Variants in ZFYVE16 observed in about 807,000 individuals in gnomAD.
The protein encoded by ZFYVE16 is zinc finger FYVE domain-containing protein 16.
Under a neutral mutation model 138.1 loss-of-function variants are expected in ZFYVE16, and 89 were observed. The ratio of observed to expected loss-of-function variants is 0.64; its 90% CI spans 0.54 to 0.77. The LOEUF is 0.77. ZFYVE16 is among the 30% of genes least tolerant of loss of function. ZFYVE16 has a pLI of 0.00. For missense variants in ZFYVE16, 1,793 were observed against 1,786.7 expected, an observed-to-expected ratio of 1.00 and a Z score of -0.06; for synonymous variants, 596 against 618.3, an observed-to-expected ratio of 0.96 and a Z score of 0.53.
chr5:80,446,534 C>T (rs1363775), intron 7 of ZFYVE16, among the ~76,000 whole-genome samples: 118,120 of 151,942 alleles, frequency 0.78, 49,042 homozygotes, highest in East Asian at 0.92. Flanking sequence ...TCTGGTTCTA[C>T]ATTCTGTGTG....
At position 80,434,220 on chromosome 5, in the gene ZFYVE16, T is replaced by C; in HGVS notation, c.70+3T>C. 1 of 1,612,790 alleles carries C rather than the reference T, an allele frequency of 6.2e-7. No individual in the cohort carries two copies. The highest frequency in any genetic ancestry group is 8.5e-7 in the Non-Finnish European group (1 of 1,179,188). On this transcript the variant is annotated splice_donor_region_variant and intron_variant, in intron 3 of 18. Coordinates refer to ENST00000505560, the MANE Select transcript of ZFYVE16 (RefSeq NM_001284236.3). ...TGATGATTTTGAACAGAACCCAGGT[T>C]TGTTGATTTTCCATTTTTGCCGCTA...
At chr5:80,425,407 C>T (rs139740896) in intron 1 of ZFYVE16, among the ~76,000 whole-genome samples, 1 of 152,056 alleles carries the variant, frequency 6.6e-6, no homozygotes, top group African/African-American at 2.4e-5. Flanking sequence ...CTTGTAAAAC[C>T]CTCTTATTTG....
intron 1 of ZFYVE16, among the ~76,000 whole-genome samples, chr5:80,426,261 T>A (rs1250838845): frequency 1.8e-5 from 1 of 55,292 alleles, no homozygotes; most frequent in African/African-American, 4.7e-5. Flanking sequence ...TGTGTGTGTG[T>A]GTGTGTGTGT....
At chr5:80,408,906 T>A (rs1745030140) in intron 1 of ZFYVE16, among the ~76,000 whole-genome samples, 1 of 152,220 alleles carries the variant, frequency 6.6e-6, no homozygotes, top group Non-Finnish European at 1.5e-5. Context: ...TTTATTCACT[T>A]GAGCTTGTCG....
Position 80,451,527 on chromosome 5 carries a change from G to A in ZFYVE16, c.3425G>A (p.Ser1142Asn). The A allele has an allele frequency of 4.3e-6, 7 of 1,613,514 alleles. No individual in the cohort carries two copies. Among genetic ancestry groups the A allele is most frequent in the Non-Finnish European group, 5.9e-6 (7 of 1,179,786 alleles). Residue 1142 changes from serine (S) to asparagine (N), a missense_variant, in exon 11 of 19, where the codon AGT becomes AAT. Ser to Asn is a conservative substitution (Grantham distance 46, BLOSUM62 1). Around this residue, in one of 2 missense-constraint regions of ZFYVE16, gnomAD observed 498 missense variants for 582.4 expected, o/e 0.86. Transcript: ENST00000505560. The stretch of plus-strand genomic sequence containing the variant: ...TTGGACAATATTACCTTTACTGAGA[G>A]TTTTCTCAGTAGCAAGGATCACGGA... ...ENLDNITFTESFLSSKDHGGF... is the reference protein window; with the variant it reads ...ENLDNITFTENFLSSKDHGGF...
At position 80,438,622 on chromosome 5, in the gene ZFYVE16, G is replaced by A. The variant is rs1274751685; in HGVS notation, c.1937G>A (p.Gly646Glu). 1.9e-6 allele frequency: 3 copies of A among 1,613,902 alleles called. No homozygotes were observed. The highest frequency in any genetic ancestry group is 1.3e-5 in the African/African-American group (1 of 74,886). The change falls in exon 4 of 19, where the codon GGG becomes GAG. Residue 646 changes from glycine to glutamate, a missense_variant. Transcript: ENST00000505560. The part of the protein sequence containing the change: ...VSDINSQSVG[G>E]ARPKQLFSLP... The stretch of plus-strand genomic sequence containing the variant: ...GATATTAACAGTCAATCTGTTGGAG[G>A]GGCCAGACCTAAGCAATTGTTTAGC...
rs1239139971 is a variant in ZFYVE16 at position 80,455,359 on chromosome 5, C to T, written c.3608-333C>T. On this transcript the variant is annotated intron_variant, in intron 11 of 18. Transcript: ENST00000505560. Reference sequence around the variant, plus strand: ...GATCAGCCTGGTCAACATGGTGAAACCCTGTCTCTACTAAAAATACAAAAA... The same window carrying T: ...GATCAGCCTGGTCAACATGGTGAAATCCTGTCTCTACTAAAAATACAAAAA... The T allele has an allele frequency of 1.9e-5, 5 of 257,968 alleles. No individual in the cohort carries two copies. In the South Asian group the frequency reaches 1.9e-4, roughly 10 times the overall value. 16.0% of individuals were successfully genotyped at this position (257,968 alleles called of 1,614,324 possible).
At chr5:80,450,359 C>CA in intron 9 of ZFYVE16, 72 bp from the exon 10 acceptor site, 1 of 1,464,470 alleles carries the variant, frequency 6.8e-7, no homozygotes, top group Non-Finnish European at 9.4e-7. Flanking sequence ...ATGTTAAATG[C>CA]AAAAACAATT....
intron 2 of ZFYVE16, among the ~76,000 whole-genome samples, chr5:80,428,797 T>C (rs1748535894): frequency 6.6e-6 from 1 of 152,142 alleles, no homozygotes. Context: ...GCATGAGAAC[T>C]ACATGACAAA....
chr5:80,437,161 A>G lies in ZFYVE16; in HGVS notation c.476A>G (p.Asp159Gly). 1 of 1,614,058 alleles carries G rather than the reference A, an allele frequency of 6.2e-7. No homozygotes were observed. Among genetic ancestry groups the G allele is most frequent in the South Asian group, 1.1e-5 (1 of 91,082 alleles). The part of the protein sequence containing the change: ...LLPDDFKSNA[D>G]SLIGLDLSSV... ...CCAGATGATTTTAAGTCTAATGCAG[A>G]TTCCTTGATTGGATTGGATTTATCT... The change falls in exon 4 of 19, where the codon GAT becomes GGT. Residue 159 changes from aspartate to glycine, a missense_variant. Physicochemically the swap from Asp to Gly is moderately conservative, Grantham distance 94. Transcript: ENST00000505560.
chr5:80,449,721 A>G lies in ZFYVE16; in HGVS notation c.3226+8A>G, dbSNP rs1200978725. 1.3e-6 allele frequency: 2 copies of G among 1,585,626 alleles called. No individual in the cohort carries two copies. Among genetic ancestry groups the G allele is most frequent in the Non-Finnish European group, 1.7e-6 (2 of 1,168,904 alleles). ...ATGTCAAATTCATATTTTGTAAGTA[A>G]TAATTTATCCTTATTTGCTTAATTG... On this transcript the variant is annotated splice_region_variant and intron_variant, in intron 9 of 18. Coordinates refer to ENST00000505560, the MANE Select transcript of ZFYVE16 (RefSeq NM_001284236.3).
rs1238253311 is a variant in ZFYVE16 at position 80,472,941 on chromosome 5, C to G, written c.4187+18C>G. 1 of 1,562,276 alleles carries G rather than the reference C, an allele frequency of 6.4e-7. No homozygotes were observed. The highest frequency in any genetic ancestry group is 2.3e-5 in the East Asian group (1 of 44,220). ...AACAAAGGGTAGGAATTTTTTTATTCTAAAATATAATTGATTTGAAGGAAA... is the reference window on the plus strand; with the variant it reads ...AACAAAGGGTAGGAATTTTTTTATTGTAAAATATAATTGATTTGAAGGAAA... On this transcript the variant is annotated intron_variant, in intron 16 of 18. Coordinates refer to ENST00000505560, the MANE Select transcript of ZFYVE16 (RefSeq NM_001284236.3).
Position 80,424,779 on chromosome 5 carries a change from T to G in ZFYVE16, c.-93-2713T>G, listed in dbSNP as rs1747751715. On this transcript the variant is annotated intron_variant, in intron 1 of 18. Coordinates refer to ENST00000505560, the MANE Select transcript of ZFYVE16 (RefSeq NM_001284236.3). ...GCCTGGCCTCTGAATTCCTTTTGTTTGTTTGGTATCTGTTTATTTTGTGCA... is the reference window on the plus strand; with the variant it reads ...GCCTGGCCTCTGAATTCCTTTTGTTGGTTTGGTATCTGTTTATTTTGTGCA... Among the ~76,000 whole-genome samples, 4 of 152,186 alleles carry G rather than the reference T, an allele frequency of 2.6e-5. 1 individual carries two copies. In the South Asian group the frequency reaches 8.3e-4, roughly 32 times the overall value.
At chr5:80,470,099 G>GTGTGTGTGTGTGTGTATATA (rs1327173079) in intron 15 of ZFYVE16, among the ~76,000 whole-genome samples, 5 of 121,186 alleles carry the variant, frequency 4.1e-5, no homozygotes, top group African/African-American at 1.7e-4. Context: ...GTGTGTGTGT[G>GTGTGTGTGTGTGTGTATATA]TATTTTTTTT....
intron 14 of ZFYVE16, 109 bp downstream of exon 14, chr5:80,457,201 TAAAAC>T (rs1256660758): frequency 2.8e-6 from 4 of 1,427,106 alleles, no homozygotes; most frequent in African/African-American, 1.5e-5. Context: ...TTGTTGGTGA[TAAAAC>T]AATATGTTTT....
At position 80,448,256 on chromosome 5, in the gene ZFYVE16, A is replaced by G; in HGVS notation, c.2955A>G (p.Leu985=). The stretch of plus-strand genomic sequence containing the variant: ...AACCATCTAGTCCTACTGGTGTCTT[A>G]GTTAACAGCAATTTACCTATTGCTA... ...TEEPSSPTGV[L]VNSNLPIASI... Residue 985 remains leucine, a synonymous_variant, in exon 8 of 19, where the codon TTA becomes TTG. Coordinates refer to ENST00000505560, the MANE Select transcript of ZFYVE16 (RefSeq NM_001284236.3). 6.2e-7 allele frequency: 1 copy of G among 1,613,844 alleles called. No homozygotes were observed. The highest frequency in any genetic ancestry group is 8.5e-7 in the Non-Finnish European group (1 of 1,179,902).
intron 15 of ZFYVE16, among the ~76,000 whole-genome samples, chr5:80,462,889 A>G (rs985417843): frequency 1.3e-5 from 2 of 152,212 alleles, no homozygotes; most frequent in African/African-American, 4.8e-5. Context: ...AGGGCAGTCA[A>G]ATCTTATACC....
At chr5:80,469,707 C>T (rs1295444497) in intron 15 of ZFYVE16, among the ~76,000 whole-genome samples, 1 of 151,728 alleles carries the variant, frequency 6.6e-6, no homozygotes, top group African/African-American at 2.4e-5. Flanking sequence ...TTTTGTGTCA[C>T]CCCATAGATT....
Position 80,431,081 on chromosome 5 carries a change from C to T in ZFYVE16, c.-39-3028C>T, listed in dbSNP as rs1748937388. On this transcript the variant is annotated intron_variant, in intron 2 of 18. Coordinates refer to ENST00000505560, the MANE Select transcript of ZFYVE16 (RefSeq NM_001284236.3). ...GAAAAAGAGGGAATCCTCCCTAACT[C>T]ATTTTATGAGGCCAGCATCATCCTG... Among the ~76,000 whole-genome samples, 3 of 152,296 alleles carry T rather than the reference C, an allele frequency of 2.0e-5. 1 individual carries two copies. In the South Asian group the frequency reaches 6.2e-4, roughly 32 times the overall value.
Sources: allele counts gnomAD v4.1 joint callset (sites outside exome capture counted in the v4.1 genomes callset), GRCh38; gene constraint gnomAD v4.1.1; regional missense constraint gnomAD v4.1.1; transcripts MANE v1.5; gene names NCBI Gene and HGNC (gene_info 2026-07-23, HGNC 2026-07-21).